SPMAP2L: variants seen among roughly 807,000 people sequenced by gnomAD.
SPMAP2L encodes the protein sperm microtubule associated protein 2 like.
chr4:56,589,542 A>G, the SPMAP2L span, among the ~76,000 whole-genome samples: 84 of 152,246 alleles, frequency 5.5e-4, no homozygotes, highest in African/African-American at 2.0e-3. Context: ...CGTTTTCACA[A>G]TATTGATTCT....
chr4:56,531,490 A>G, the SPMAP2L span, among the ~76,000 whole-genome samples: 1 of 152,112 alleles, frequency 6.6e-6, no homozygotes, highest in Non-Finnish European at 1.5e-5. Context: ...TAGTCATTGC[A>G]TCCCTCTGGG....
At chr4:56,568,205 G>T in the SPMAP2L span, among the ~76,000 whole-genome samples, 12 of 151,946 alleles carry the variant, frequency 7.9e-5, no homozygotes, top group Non-Finnish European at 1.5e-4. Context: ...TTGAAAATAC[G>T]CAATACAGTT....
chr4:56,557,302 AAAAC>A, the SPMAP2L span, among the ~76,000 whole-genome samples: 6 of 151,516 alleles, frequency 4.0e-5, no homozygotes, highest in Non-Finnish European at 7.4e-5. Flanking sequence ...AAACAAACAA[AAAAC>A]AAACAGAGAG....
At chr4:56,600,509 G>A in the SPMAP2L span, among the ~76,000 whole-genome samples, 1 of 151,890 alleles carries the variant, frequency 6.6e-6, no homozygotes, top group South Asian at 2.1e-4. Context: ...AGTCAGGCTG[G>A]TCTCAGACTC....
the SPMAP2L span, among the ~76,000 whole-genome samples, chr4:56,542,876 C>G: frequency 6.6e-6 from 1 of 152,050 alleles, no homozygotes; most frequent in Non-Finnish European, 1.5e-5. Flanking sequence ...TGTTCACTGC[C>G]TAGATACCAT....
At chr4:56,584,456 A>C in the SPMAP2L span, 8 of 1,337,752 alleles carry the variant, frequency 6.0e-6, no homozygotes, top group South Asian at 6.3e-5. Context: ...TTGTTTCTCC[A>C]TCCAACAGTT....
the SPMAP2L span, among the ~76,000 whole-genome samples, chr4:56,602,384 C>T: frequency 1.3e-5 from 2 of 152,124 alleles, no homozygotes; most frequent in African/African-American, 4.8e-5. Flanking sequence ...TGAAATGAAG[C>T]TCATTCTCTG....
the SPMAP2L span, among the ~76,000 whole-genome samples, chr4:56,544,050 A>G: frequency 2.0e-5 from 3 of 151,402 alleles, no homozygotes; most frequent in Non-Finnish European, 2.9e-5. Flanking sequence ...CTATGGCCCT[A>G]CCTAGGCTCA....
At chr4:56,612,725 C>T in the SPMAP2L span, among the ~76,000 whole-genome samples, 1 of 152,118 alleles carries the variant, frequency 6.6e-6, no homozygotes, top group African/African-American at 2.4e-5. Context: ...TGCCTCCACG[C>T]CCGGCTAATT....
At chr4:56,625,826 G>A in the SPMAP2L span, among the ~76,000 whole-genome samples, 1 of 152,202 alleles carries the variant, frequency 6.6e-6, no homozygotes, top group Non-Finnish European at 1.5e-5. Context: ...TTATTTGTAT[G>A]TAGTTCTTAT....
chr4:56,560,798 T>A, the SPMAP2L span, among the ~76,000 whole-genome samples: 1 of 152,152 alleles, frequency 6.6e-6, no homozygotes, highest in Admixed American at 6.6e-5. Flanking sequence ...CAGGCTGGAG[T>A]GCAGTGGCCT....
At chr4:56,559,303 CAAAAAA>C in the SPMAP2L span, 391 of 662,356 alleles carry the variant, frequency 5.9e-4, no homozygotes, top group Admixed American at 1.2e-3. Context: ...AAGACTGTCT[CAAAAAA>C]AAAAAAAAAA....
chr4:56,554,071 T>A, the SPMAP2L span, among the ~76,000 whole-genome samples: 1 of 152,140 alleles, frequency 6.6e-6, no homozygotes, highest in Admixed American at 6.5e-5. Flanking sequence ...TTTAGTTGTA[T>A]AGATGTATCA....
the SPMAP2L span, among the ~76,000 whole-genome samples, chr4:56,575,094 C>CA: frequency 0.73 from 110,250 of 151,452 alleles, 40,902 homozygotes; most frequent in African/African-American, 0.88. Flanking sequence ...ACTAAAAATA[C>CA]AAAAATTAGC....
chr4:56,585,619 G>A, the SPMAP2L span, among the ~76,000 whole-genome samples: 1 of 152,162 alleles, frequency 6.6e-6, no homozygotes, highest in Non-Finnish European at 1.5e-5. Context: ...TGGGATTATA[G>A]GTGTGAGCCA....
At chr4:56,553,375 G>T in the SPMAP2L span, among the ~76,000 whole-genome samples, 361 of 151,136 alleles carry the variant, frequency 2.4e-3, 6 homozygotes, top group Non-Finnish European at 1.2e-4. Context: ...ATTTTTTTGT[G>T]GAGACGGGGG....
the SPMAP2L span, among the ~76,000 whole-genome samples, chr4:56,560,442 A>T: frequency 6.6e-6 from 1 of 151,928 alleles, no homozygotes; most frequent in Non-Finnish European, 1.5e-5. Context: ...ACTCTTCCCA[A>T]ATGTGGAGTT....
chr4:56,580,503 CA>C, the SPMAP2L span, among the ~76,000 whole-genome samples: 1 of 151,960 alleles, frequency 6.6e-6, no homozygotes, highest in African/African-American at 2.4e-5. Context: ...CTACAAGAAA[CA>C]CACAACTAAT....
the SPMAP2L span, among the ~76,000 whole-genome samples, chr4:56,556,241 G>C: frequency 1.3e-5 from 2 of 152,178 alleles, no homozygotes; most frequent in Non-Finnish European, 2.9e-5. Context: ...GAGAAATAGT[G>C]ATAGCCTATC....
Sources: gnomAD v4.1 joint callset for allele counts (sites outside exome capture counted in the v4.1 genomes callset) on GRCh38, gnomAD v4.1.1 for gene constraint, MANE v1.5 for transcripts, NCBI Gene and HGNC (gene_info 2026-07-23, HGNC 2026-07-21) for gene names.